The following KCNS3 variants were observed in gnomAD, a reference collection of about 807,000 sequenced individuals.
The protein encoded by KCNS3 is potassium voltage-gated channel modifier subfamily S member 3, also known as delayed-rectifier potassium channel regulatory subunit KCNS3.
In KCNS3, 13 loss-of-function variants were observed where a neutral mutation model predicts 31.0. The observed-to-expected ratio is 0.42, with a 90% CI of 0.27 to 0.67. The LOEUF (loss-of-function observed/expected upper bound fraction) is 0.67, where lower values mean the gene tolerates loss of function less well. Ranked by LOEUF, KCNS3 falls within the 30% of genes least tolerant of loss-of-function variation. The probability of loss-of-function intolerance (pLI) is 0.25; values close to 1 mark genes in which losing one functional copy is unlikely to be tolerated. For synonymous variants in KCNS3, 238 were observed against 241.5 expected, an observed-to-expected ratio of 0.99 and a Z score of 0.13; for missense variants, 545 against 622.4, an observed-to-expected ratio of 0.88 and a Z score of 1.32.
chr2:17,897,330 A>G (rs930579737), intron 1 of KCNS3, among the ~76,000 whole-genome samples: 6 of 152,148 alleles, frequency 3.9e-5, no homozygotes, highest in South Asian at 2.1e-4. Flanking sequence ...TGTCTTTGCT[A>G]TTGTGATTAG....
chr2:17,910,243 T>G (rs1008223016), intron 1 of KCNS3, among the ~76,000 whole-genome samples: 3 of 152,242 alleles, frequency 2.0e-5, no homozygotes, highest in African/African-American at 7.2e-5. Context: ...TAAATGATAT[T>G]TTGAGATCTC....
chr2:17,918,890 C>T (rs1256046514), intron 2 of KCNS3, among the ~76,000 whole-genome samples: 5 of 152,208 alleles, frequency 3.3e-5, no homozygotes, highest in South Asian at 2.1e-4. Context: ...TTCTCCAAAA[C>T]TCCCTCCCCT....
chr2:17,880,673 C>T (rs933676471), intron 1 of KCNS3, among the ~76,000 whole-genome samples: 3 of 152,170 alleles, frequency 2.0e-5, no homozygotes, highest in Non-Finnish European at 4.4e-5. Context: ...TGTATGAGGG[C>T]AAATTGGGAG....
At chr2:17,908,999 A>G (rs1044299952) in intron 1 of KCNS3, among the ~76,000 whole-genome samples, 4 of 152,196 alleles carry the variant, frequency 2.6e-5, no homozygotes, top group Non-Finnish European at 5.9e-5. Flanking sequence ...TCAGACAGGG[A>G]CATTTAAGTC....
intron 1 of KCNS3, among the ~76,000 whole-genome samples, chr2:17,899,613 G>C (rs959096831): frequency 3.3e-5 from 5 of 152,058 alleles, no homozygotes; most frequent in African/African-American, 1.2e-4. Flanking sequence ...CAGTATCCTC[G>C]TTTGCAGAGT....
intron 2 of KCNS3, chr2:17,919,314 T>A (rs570169776): frequency 6.6e-6 from 1 of 152,350 alleles, no homozygotes; most frequent in South Asian, 2.1e-4. Flanking sequence ...AGAAATACCA[T>A]TATATCAGTC....
At chr2:17,914,428 C>G (rs1662544023) in intron 1 of KCNS3, among the ~76,000 whole-genome samples, 1 of 152,178 alleles carries the variant, frequency 6.6e-6, no homozygotes, top group South Asian at 2.1e-4. Flanking sequence ...AGATGTCCCA[C>G]CATTTGGGTT....
chr2:17,914,347 A>C (rs1232210785), intron 1 of KCNS3, among the ~76,000 whole-genome samples: 1 of 152,186 alleles, frequency 6.6e-6, no homozygotes, highest in African/African-American at 2.4e-5. Context: ...GAGTCAGAAC[A>C]AAGGGAAGTC....
At chr2:17,906,566 T>C (rs1235327788) in intron 1 of KCNS3, among the ~76,000 whole-genome samples, 2 of 152,236 alleles carry the variant, frequency 1.3e-5, no homozygotes, top group Non-Finnish European at 2.9e-5. Context: ...TTGTCAGTTT[T>C]AGATGTTTCC....
At chr2:17,916,740 TG>T in intron 1 of KCNS3, among the ~76,000 whole-genome samples, 1 of 152,220 alleles carries the variant, frequency 6.6e-6, no homozygotes, top group Middle Eastern at 3.4e-3. Context: ...GCACTGCATC[TG>T]GTTTATAATC....
chr2:17,877,928 G>A (rs1311818582), upstream of KCNS3: 1 of 152,302 alleles, frequency 6.6e-6, no homozygotes, highest in Non-Finnish European at 1.5e-5. Flanking sequence ...GTCGGCTGAA[G>A]GCATCGTCCC....
intron 2 of KCNS3, among the ~76,000 whole-genome samples, chr2:17,928,467 A>G (rs563647130): frequency 1.3e-5 from 2 of 152,262 alleles, no homozygotes; most frequent in South Asian, 2.1e-4. Flanking sequence ...GGGTTTTGCC[A>G]TGTTCACCAG....
rs572502285 is a variant in KCNS3 at position 17,884,889 on chromosome 2, G to A, written c.-252+6083G>A. 2.0e-4 allele frequency among the ~76,000 whole-genome samples: 30 copies of A among 148,698 alleles called. No homozygotes were observed. The East Asian group carries it at 4.3e-3, about 21-fold the overall frequency. ...TTTGAATCCTAGCTTTGGTTCTGTCGCCAAATCTGGGTAACTGAGCATATT... is the reference window on the plus strand; with the variant it reads ...TTTGAATCCTAGCTTTGGTTCTGTCACCAAATCTGGGTAACTGAGCATATT... On this transcript the variant is annotated intron_variant, in intron 1 of 2. Coordinates refer to ENST00000304101, the MANE Select transcript of KCNS3 (RefSeq NM_002252.5).
intron 2 of KCNS3, among the ~76,000 whole-genome samples, chr2:17,919,799 G>A (rs1467331540): frequency 6.6e-6 from 1 of 152,160 alleles, no homozygotes. Flanking sequence ...TCAGTGGACT[G>A]GGCTGCACCA....
chr2:17,900,765 C>T (rs112988242), intron 1 of KCNS3, among the ~76,000 whole-genome samples: 4 of 152,130 alleles, frequency 2.6e-5, no homozygotes, highest in African/African-American at 9.7e-5. Context: ...GCTGGGATTA[C>T]AGGCATGAAC....
intron 2 of KCNS3, among the ~76,000 whole-genome samples, chr2:17,924,011 A>G (rs1020040288): frequency 2.0e-5 from 3 of 152,086 alleles, no homozygotes; most frequent in East Asian, 1.9e-4. Context: ...GTGTCTTTCT[A>G]TTCATTTATT....
chr2:17,916,442 T>G (rs1023866851), intron 1 of KCNS3, among the ~76,000 whole-genome samples: 10 of 152,184 alleles, frequency 6.6e-5, no homozygotes, highest in Non-Finnish European at 1.3e-4. Flanking sequence ...TTACTTACCC[T>G]GTTGAGATTT....
intron 1 of KCNS3, among the ~76,000 whole-genome samples, chr2:17,891,261 G>A (rs7561495): frequency 0.33 from 49,991 of 152,064 alleles, 8,883 homozygotes; most frequent in East Asian, 0.57. Flanking sequence ...TGCATGAAAT[G>A]TCTTTTTCCA....
Position 17,931,802 on chromosome 2 carries a change from C to A in KCNS3, c.794C>A (p.Pro265His), listed in dbSNP as rs1416582952. 1 of 1,614,136 alleles carries A rather than the reference C, an allele frequency of 6.2e-7. No individual in the cohort carries two copies. Among genetic ancestry groups the A allele is most frequent in the Non-Finnish European group, 8.5e-7 (1 of 1,180,024 alleles). ...ATCATTGACTTTGTCTCTATTATTC[C>A]CTTCTATGCCACGTTGGCTGTAGAC... is the stretch of plus-strand genomic sequence containing the variant. ...LNIIDFVSII[P>H]FYATLAVDTK... Residue 265 changes from proline (P) to histidine (H), a missense_variant, in exon 3 of 3, where the codon CCC becomes CAC. Pro to His is a moderately conservative substitution (Grantham distance 77). Transcript: ENST00000304101. This position sits in a 1 kb window ranked among gnomAD's most constrained non-coding sequence, Gnocchi z 5.4.
Sources: allele counts gnomAD v4.1 joint callset (sites outside exome capture counted in the v4.1 genomes callset), GRCh38; gene constraint gnomAD v4.1.1; non-coding constraint Gnocchi (gnomAD v3.1); transcripts MANE v1.5; gene names NCBI Gene and HGNC (gene_info 2026-07-23, HGNC 2026-07-21).